Variants in SLC16A14 observed in about 807,000 individuals in gnomAD.
The protein encoded by SLC16A14 is monocarboxylate transporter 14.
Under a neutral mutation model 35.8 loss-of-function variants are expected in SLC16A14, and 14 were observed. That is an observed-to-expected ratio of 0.39 (90% CI 0.26 to 0.61). The LOEUF is 0.61. SLC16A14 is among the 20% of genes least tolerant of loss of function. SLC16A14 has a pLI of 0.51. For synonymous variants in SLC16A14, 248 were observed against 258.9 expected, an observed-to-expected ratio of 0.96 and a Z score of 0.40; for missense variants, 533 against 655.0, an observed-to-expected ratio of 0.81 and a Z score of 2.03.
At chr2:230,044,229 T>A (rs2077582155) in intron 4 of SLC16A14, among the ~76,000 whole-genome samples, 1 of 150,522 alleles carries the variant, frequency 6.6e-6, no homozygotes, top group Non-Finnish European at 1.5e-5. Context: ...ATCCCAGCAC[T>A]TTGGGAGGCC....
chr2:230,046,363 T>C lies in SLC16A14; in HGVS notation c.763A>G (p.Asn255Asp). ...TGCAGGTCGCAGAGGGTCTCCTCGT[T>C]CCCGAGCCCACCATCCTTCTCTTCT... is the stretch of plus-strand genomic sequence containing the variant. ...RTEEKDGGLG[N>D]EETLCDLQAQ... is the part of the protein sequence containing the mutation. Residue 255 changes from asparagine (N) to aspartate (D), a missense_variant, in exon 4 of 5, where the codon AAC (asparagine) becomes GAC (aspartate). Coordinates refer to ENST00000295190, the MANE Select transcript of SLC16A14 (RefSeq NM_152527.5). The surrounding 1 kb of genome is among the most constrained non-coding windows in gnomAD (Gnocchi z 5.0). 1.2e-6 allele frequency: 2 copies of C among 1,614,218 alleles called. No individual in the cohort carries two copies. Among genetic ancestry groups the C allele is most frequent in the Middle Eastern group, 3.3e-4 (2 of 6,062 alleles).
intron 3 of SLC16A14, among the ~76,000 whole-genome samples, chr2:230,048,703 C>T (rs1363324961): frequency 2.0e-5 from 3 of 152,030 alleles, no homozygotes; most frequent in African/African-American, 4.8e-5. Context: ...GCAGGTGGAT[C>T]ACCTGAGGTT....
At chr2:230,050,369 C>CT (rs1388414675) in intron 2 of SLC16A14, among the ~76,000 whole-genome samples, 2 of 152,232 alleles carry the variant, frequency 1.3e-5, no homozygotes, top group African/African-American at 4.8e-5. Context: ...GGACACACCC[C>CT]TTCCAGTTTG....
At chr2:230,054,471 A>G (rs2077688953) in intron 2 of SLC16A14, among the ~76,000 whole-genome samples, 1 of 152,150 alleles carries the variant, frequency 6.6e-6, no homozygotes, top group African/African-American at 2.4e-5. Flanking sequence ...GATGAATACA[A>G]AATTGATGAT....
At chr2:230,056,879 T>TAAAAAAAAAA (rs60620443) in intron 2 of SLC16A14, among the ~76,000 whole-genome samples, 9 of 95,454 alleles carry the variant, frequency 9.4e-5, no homozygotes, top group African/African-American at 1.1e-4. Context: ...CTACAAAAAG[T>TAAAAAAAAAA]AAAAAAAAAA....
chr2:230,058,287 TTAA>T (rs1249628707), intron 2 of SLC16A14: 1 of 152,048 alleles, frequency 6.6e-6, no homozygotes, highest in African/African-American at 2.4e-5. Flanking sequence ...GACACTAATA[TTAA>T]TAAGTTCTGA....
chr2:230,064,903 G>A (rs1308473672), intron 1 of SLC16A14, among the ~76,000 whole-genome samples: 7 of 152,054 alleles, frequency 4.6e-5, no homozygotes, highest in South Asian at 2.1e-4. Context: ...CCAGCTACTC[G>A]GGAGGCTGAA....
chr2:230,061,387 C>T (rs2077750759), intron 1 of SLC16A14, among the ~76,000 whole-genome samples: 1 of 152,212 alleles, frequency 6.6e-6, no homozygotes, highest in South Asian at 2.1e-4. Flanking sequence ...ACAGTTGACC[C>T]TGGCACATGT....
At chr2:230,050,651 G>A (rs1448286683) in intron 2 of SLC16A14, among the ~76,000 whole-genome samples, 4 of 152,134 alleles carry the variant, frequency 2.6e-5, no homozygotes, top group Admixed American at 1.3e-4. Flanking sequence ...ATGGACGGTA[G>A]GTTATTATGT....
At chr2:230,064,740 G>C (rs868782027) in intron 1 of SLC16A14, among the ~76,000 whole-genome samples, 3 of 152,180 alleles carry the variant, frequency 2.0e-5, no homozygotes, top group Non-Finnish European at 2.9e-5. Flanking sequence ...GCCGGGCGTG[G>C]TGGCTTATGC....
At position 230,046,817 on chromosome 2, in the gene SLC16A14, G is replaced by T; in HGVS notation, c.404-95C>A. 1 of 1,360,626 alleles carries T rather than the reference G, an allele frequency of 7.3e-7. No homozygotes were observed. Among genetic ancestry groups the T allele is most frequent in the Non-Finnish European group, 9.8e-7 (1 of 1,017,412 alleles). 84.3% of individuals were successfully genotyped at this position (1,360,626 alleles called of 1,614,324 possible). ...AAGATCACCTGCATTTCCTTAATTA[G>T]CATCTATTTATGCTTTTTATTTCTA... On this transcript the variant is annotated intron_variant, in intron 3 of 4. Transcript: ENST00000295190. The surrounding 1 kb of genome is among the most constrained non-coding windows in gnomAD (Gnocchi z 5.0).
chr2:230,067,850 G>A (rs1175167020), intron 1 of SLC16A14, among the ~76,000 whole-genome samples: 2 of 152,164 alleles, frequency 1.3e-5, no homozygotes, highest in African/African-American at 4.8e-5. Context: ...AAGCGCTAAG[G>A]GGGCCCAGCC....
intron 4 of SLC16A14, among the ~76,000 whole-genome samples, chr2:230,041,767 T>C (rs1328795711): frequency 6.6e-6 from 1 of 152,234 alleles, no homozygotes; most frequent in African/African-American, 2.4e-5. Context: ...GAAACTGTTT[T>C]TTTTTAAAAA....
intron 2 of SLC16A14, among the ~76,000 whole-genome samples, chr2:230,057,272 G>A (rs142399917): frequency 6.6e-6 from 1 of 152,224 alleles, no homozygotes; most frequent in African/African-American, 2.4e-5. Flanking sequence ...TTGACAGTAA[G>A]AGTTATTTCA....
At chr2:230,060,526 TGTA>T (rs1314253562) in intron 1 of SLC16A14, among the ~76,000 whole-genome samples, 1 of 42,182 alleles carries the variant, frequency 2.4e-5, no homozygotes, top group Non-Finnish European at 5.3e-5. Flanking sequence ...TATGTATATA[TGTA>T]TGTATGTATG....
intron 2 of SLC16A14, chr2:230,058,218 T>G (rs1334815466): frequency 2.8e-4 from 3 of 10,614 alleles, no homozygotes; most frequent in Admixed American, 9.6e-4. Context: ...TAAATGACAG[T>G]TTTTTTTTTT....
In SLC16A14 at chr2:230,044,732, G is replaced by GTGTA. The variant is rs1323664845; in HGVS notation, c.1381+1012_1381+1013insTACA. 9.2e-5 allele frequency among the ~76,000 whole-genome samples: 9 copies of GTGTA among 98,036 alleles called. 1 individual carries two copies. The highest frequency in any genetic ancestry group is 9.1e-5 in the Non-Finnish European group (4 of 43,766). The allele number at this position is 98,036 out of a possible 152,430, so 64.3% of individuals were successfully genotyped here. On this transcript the variant is annotated intron_variant, in intron 4 of 4. Transcript: ENST00000295190. ...TGTGTGTGTGTGTGTGTGTGTGTGT[G>GTGTA]TGTGTATGTGTGTGTGTGTGTGTGT...
At chr2:230,060,686 T>G (rs1017440082) in intron 1 of SLC16A14, among the ~76,000 whole-genome samples, 28 of 147,278 alleles carry the variant, frequency 1.9e-4, no homozygotes, top group South Asian at 4.3e-4. Flanking sequence ...TGGTTTTTTT[T>G]GGGGGGAGGG....
Position 230,035,933 on chromosome 2 carries a change from G to C in SLC16A14, c.*1447C>G, listed in dbSNP as rs576396988. ...AACTGAAACTGCTGGCTAAAATTACGCTTGGGGTGGCATTGTTTGATTCCA... is the reference window on the plus strand; with the variant it reads ...AACTGAAACTGCTGGCTAAAATTACCCTTGGGGTGGCATTGTTTGATTCCA... On this transcript the variant is annotated 3_prime_UTR_variant, in exon 5 of 5. Coordinates refer to ENST00000295190, the MANE Select transcript of SLC16A14 (RefSeq NM_152527.5). 1.3e-5 allele frequency: 2 copies of C among 152,682 alleles called. No individual in the cohort carries two copies. The highest frequency in any genetic ancestry group is 1.9e-4 in the East Asian group (1 of 5,192). The allele number at this position is 152,682 out of a possible 1,614,324, so 9.5% of individuals were successfully genotyped here. A position where few individuals can be genotyped will look rare whatever the true frequency, so the allele number is the denominator to read the frequency against.
Sources: allele counts gnomAD v4.1 joint callset (sites outside exome capture counted in the v4.1 genomes callset), GRCh38; gene constraint gnomAD v4.1.1; non-coding constraint Gnocchi (gnomAD v3.1); transcripts MANE v1.5; gene names NCBI Gene and HGNC (gene_info 2026-07-23, HGNC 2026-07-21).